The following MAPK10 variants were observed in gnomAD, a reference collection of about 807,000 sequenced individuals.
The protein encoded by MAPK10 is JNK3 alpha protein kinase.
A neutral mutation model predicts 59.3 loss-of-function variants in MAPK10; 25 were observed. The ratio of observed to expected loss-of-function variants is 0.42; its 90% CI spans 0.31 to 0.59. MAPK10 has a LOEUF of 0.59. MAPK10 is among the 20% of genes least tolerant of loss of function. The probability of loss-of-function intolerance (pLI) is 0.15; values close to 1 mark genes in which losing one functional copy is unlikely to be tolerated. For synonymous variants in MAPK10, 190 were observed against 200.5 expected (o/e 0.95, Z 0.44); for missense variants, 351 against 568.9 (o/e 0.62, Z 3.90).
intron 1 of MAPK10, among the ~76,000 whole-genome samples, chr4:86,501,133 A>C (rs544737169): frequency 0.035 from 5,201 of 150,628 alleles, 225 homozygotes; most frequent in African/African-American, 0.092. Context: ...AAAAAAAAAA[A>C]AAAAAAACTT....
intron 1 of MAPK10, among the ~76,000 whole-genome samples, chr4:86,574,378 G>A (rs1371782008): frequency 1.3e-5 from 2 of 151,792 alleles, no homozygotes; most frequent in African/African-American, 4.8e-5. Context: ...GTGTGCATGT[G>A]TCTTTATAGC....
chr4:86,346,040 AC>A (rs1355451777), intron 2 of MAPK10, among the ~76,000 whole-genome samples: 1 of 152,226 alleles, frequency 6.6e-6, no homozygotes, highest in Non-Finnish European at 1.5e-5. Flanking sequence ...ATAGATGAAA[AC>A]AGAATGTGTT....
chr4:86,268,738 C>T (rs944000472), intron 2 of MAPK10, among the ~76,000 whole-genome samples: 3 of 152,158 alleles, frequency 2.0e-5, no homozygotes, highest in Non-Finnish European at 4.4e-5. Flanking sequence ...GGTTTCCTCC[C>T]AGAGGTCTTC....
intron 11 of MAPK10, among the ~76,000 whole-genome samples, chr4:86,033,336 A>G (rs2039501287): frequency 6.6e-6 from 1 of 152,224 alleles, no homozygotes; most frequent in African/African-American, 2.4e-5. Context: ...CCTGCAGGAC[A>G]CAGTGTACAT....
At chr4:86,024,154 G>C (rs1175295153) in intron 13 of MAPK10, 1 of 151,798 alleles carries the variant, frequency 6.6e-6, no homozygotes, top group African/African-American at 2.4e-5. Flanking sequence ...TTCAAATAAG[G>C]GTGAGATAAG....
chr4:86,293,435 T>C (rs1446852390), intron 2 of MAPK10, among the ~76,000 whole-genome samples: 1 of 152,186 alleles, frequency 6.6e-6, no homozygotes, highest in Non-Finnish European at 1.5e-5. Flanking sequence ...GGGTTTAACT[T>C]GCATCCCATG....
rs933989128 is a variant in MAPK10, at chr4:86,530,777, G to A, written c.-263+63133C>T. Among the ~76,000 whole-genome samples, 5 of 152,152 alleles carry A rather than the reference G, an allele frequency of 3.3e-5. No homozygotes were observed. In the East Asian group the frequency reaches 9.6e-4, roughly 29 times the overall value. On this transcript the variant is annotated intron_variant, in intron 1 of 4. Coordinates refer to the MAPK10 transcript ENST00000502302. The stretch of plus-strand genomic sequence containing the variant: ...CCAACTCCACTACATTGGTGACTGG[G>A]TTTCAATAAATGAATTTGGGGGAAA...
chr4:86,557,830 T>C (rs1188829293), intron 1 of MAPK10, among the ~76,000 whole-genome samples: 1 of 152,152 alleles, frequency 6.6e-6, no homozygotes, highest in Non-Finnish European at 1.5e-5. Context: ...ATGAAATTTC[T>C]GTTTTTATAT....
upstream of MAPK10, among the ~76,000 whole-genome samples, chr4:86,363,748 T>A (rs543906440): frequency 1.6e-4 from 25 of 152,164 alleles, no homozygotes; most frequent in East Asian, 4.5e-3. Context: ...TCCTCTTGTT[T>A]TACTAAAATT....
intron 1 of MAPK10, among the ~76,000 whole-genome samples, chr4:86,481,213 GGAA>G (rs1213974605): frequency 2.6e-5 from 4 of 152,130 alleles, no homozygotes; most frequent in African/African-American, 9.7e-5. Context: ...CTTACCGTGG[GGAA>G]GAAGAATTCT....
chr4:86,145,979 A>C (rs1216581832), intron 4 of MAPK10, among the ~76,000 whole-genome samples: 1 of 152,220 alleles, frequency 6.6e-6, no homozygotes, highest in Non-Finnish European at 1.5e-5. Context: ...AACTGGGAAA[A>C]TACAGTTGAA....
intron 1 of MAPK10, among the ~76,000 whole-genome samples, chr4:86,548,512 G>A (rs1030873163): frequency 2.0e-5 from 3 of 152,094 alleles, no homozygotes; most frequent in Non-Finnish European, 4.4e-5. Context: ...TAATCTCCAG[G>A]GCTGGAGGTG....
At chr4:86,100,987 G>T in intron 8 of MAPK10, 65 bp downstream of exon 8, 1 of 1,379,744 alleles carries the variant, frequency 7.2e-7, no homozygotes, top group Non-Finnish European at 1.0e-6. Context: ...CATTCCCCTT[G>T]GCTATCTACA....
chr4:86,234,997 T>C (rs978741680), intron 2 of MAPK10, among the ~76,000 whole-genome samples: 1 of 152,142 alleles, frequency 6.6e-6, no homozygotes, highest in Admixed American at 6.5e-5. Context: ...ATCTCTCCTT[T>C]ACCCTTGTGC....
intron 4 of MAPK10, chr4:86,119,361 G>A (rs952494753): frequency 1.3e-5 from 2 of 152,186 alleles, no homozygotes; most frequent in Non-Finnish European, 2.9e-5. Flanking sequence ...CAGCACTTTG[G>A]GAGGCCGAGG....
At chr4:86,066,343 C>T (rs1458503594) in intron 10 of MAPK10, among the ~76,000 whole-genome samples, 1 of 152,108 alleles carries the variant, frequency 6.6e-6, no homozygotes, top group African/African-American at 2.4e-5. Context: ...AATAGCCTAA[C>T]AGGGCTGTGT....
At chr4:86,258,109 T>G (rs2093829151) in intron 2 of MAPK10, among the ~76,000 whole-genome samples, 1 of 152,202 alleles carries the variant, frequency 6.6e-6, no homozygotes, top group African/African-American at 2.4e-5. Context: ...AAAATTGGTC[T>G]GCAGTCCTGG....
chr4:86,460,755 C>T (rs1275014933), intron 1 of MAPK10, among the ~76,000 whole-genome samples: 1 of 152,230 alleles, frequency 6.6e-6, no homozygotes, highest in Non-Finnish European at 1.5e-5. Context: ...AGGACATGTT[C>T]CTGCTGCAGT....
intron 2 of MAPK10, among the ~76,000 whole-genome samples, chr4:86,284,989 T>G (rs1440004506): frequency 6.6e-6 from 1 of 152,236 alleles, no homozygotes; most frequent in African/African-American, 2.4e-5. Context: ...TTTGCAGTCT[T>G]ATTTACATGG....
Sources: gnomAD v4.1 joint callset for allele counts (sites outside exome capture counted in the v4.1 genomes callset) on GRCh38, gnomAD v4.1.1 for gene constraint, MANE v1.5 for transcripts, NCBI Gene and HGNC (gene_info 2026-07-23, HGNC 2026-07-21) for gene names.